The following CIB1 variants were observed in gnomAD, a reference collection of about 807,000 sequenced individuals.
CIB1 encodes calcium and integrin-binding protein 1.
Under a neutral mutation model 25.0 loss-of-function variants are expected in CIB1, and 19 were observed. That is an observed-to-expected ratio of 0.76 (90% CI 0.53 to 1.12). CIB1 has a LOEUF of 1.12. Ranked by LOEUF, CIB1 falls within the 50% of genes most tolerant of loss-of-function variation. The probability of loss-of-function intolerance (pLI) is 0.00; values close to 1 mark genes in which losing one functional copy is unlikely to be tolerated. For missense variants in CIB1, 236 were observed against 242.6 expected (o/e 0.97, Z 0.18); for synonymous variants, 104 against 98.5 (o/e 1.06, Z -0.33).
rs923613809 is a variant in CIB1 at position 90,230,523 on chromosome 15, G to T, written c.555-18C>A. On this transcript the variant is annotated intron_variant, in intron 6 of 6. Coordinates refer to ENST00000328649, the MANE Select transcript of CIB1 (RefSeq NM_006384.4). ...TAAAGGAGCTGAACAAGAGAAAAGC[G>T]GTGGGTTTTCTGCTGGAAGAGGAGG... 22 of 1,551,418 alleles carry T rather than the reference G, an allele frequency of 1.4e-5. No homozygotes were observed. In the African/African-American group the frequency reaches 2.7e-4, roughly 19 times the overall value.
the CIB1 span, chr15:90,265,166 T>G: frequency 7.9e-7 from 1 of 1,267,930 alleles, no homozygotes; most frequent in Non-Finnish European, 1.0e-6. Flanking sequence ...CGGTAAAGAC[T>G]AGAAGATGAA....
chr15:90,259,186 ACT>A, the CIB1 span: 1 of 539,768 alleles, frequency 1.9e-6, no homozygotes. Flanking sequence ...AACATGTGAG[ACT>A]CTGTCCCTAA....
the CIB1 span, chr15:90,263,724 T>C: frequency 9.0e-6 from 6 of 665,152 alleles, no homozygotes; most frequent in Admixed American, 1.3e-4. Context: ...GGTAAGGGGC[T>C]GCTCTTCTCC....
chr15:90,251,927 T>G, the CIB1 span, among the ~76,000 whole-genome samples: 1 of 151,596 alleles, frequency 6.6e-6, no homozygotes, highest in Non-Finnish European at 1.5e-5. Flanking sequence ...CAGGCTGGAG[T>G]GCAGTATTGC....
chr15:90,249,023 C>T, the CIB1 span, among the ~76,000 whole-genome samples: 2 of 152,166 alleles, frequency 1.3e-5, no homozygotes, highest in East Asian at 3.9e-4. Flanking sequence ...CTCTTGAATG[C>T]ATAGGCTTTG....
the CIB1 span, among the ~76,000 whole-genome samples, chr15:90,255,306 G>A: frequency 6.6e-6 from 1 of 152,216 alleles, no homozygotes. Flanking sequence ...GTGATGCCAT[G>A]CCCTCAGTGG....
At chr15:90,241,495 G>C in the CIB1 span, 1 of 1,613,802 alleles carries the variant, frequency 6.2e-7, no homozygotes, top group South Asian at 1.1e-5. Flanking sequence ...GTGCTGCTGA[G>C]CTTACACCCG....
In CIB1 at chr15:90,230,270, T is replaced by C. The variant is rs1962442895; in HGVS notation, c.*214A>G. 3.3e-6 allele frequency: 2 copies of C among 609,680 alleles called. No individual in the cohort carries two copies. The highest frequency in any genetic ancestry group is 3.0e-5 in the Admixed American group (1 of 33,636). The allele number at this position is 609,680 out of a possible 1,614,324, so 37.8% of individuals were successfully genotyped here. A position where few individuals can be genotyped will look rare whatever the true frequency, so the allele number is the denominator to read the frequency against. On this transcript the variant is annotated 3_prime_UTR_variant, in exon 7 of 7. Coordinates refer to ENST00000328649, the MANE Select transcript of CIB1 (RefSeq NM_006384.4). ...TAGGGTCAAACTTCTAAACCTTTAT[T>C]ACTGATTAGTACAAACACAAACGGA...
upstream of CIB1, among the ~76,000 whole-genome samples, chr15:90,238,871 C>T (rs1008973857): frequency 8.5e-5 from 13 of 152,158 alleles, no homozygotes; most frequent in Non-Finnish European, 1.6e-4. Context: ...TATAAAAAAT[C>T]TGAGCCATGG....
chr15:90,241,174 C>T, the CIB1 span: 3 of 1,614,206 alleles, frequency 1.9e-6, no homozygotes, highest in Non-Finnish European at 2.5e-6. Context: ...CAAATCCTCC[C>T]TGGTGCTGTG....
chr15:90,255,703 G>A, the CIB1 span: 67 of 1,613,040 alleles, frequency 4.2e-5, no homozygotes, highest in African/African-American at 8.5e-4. Flanking sequence ...ATGCCCAGGT[G>A]CTAGGAAATG....
At position 90,231,201 on chromosome 15, in the gene CIB1, T is replaced by C; in HGVS notation, c.359A>G (p.Asp120Gly). The C allele has an allele frequency of 6.3e-7, 1 of 1,594,386 alleles. No homozygotes were observed. Among genetic ancestry groups the C allele is most frequent in the South Asian group, 1.1e-5 (1 of 89,818 alleles). ...YAFRIFDFDD[D>G]GTLNREDLSR... ...CAGGTCTTCTCTGTTCAAGGTTCCG[T>C]CATCATCAAAGTCTAGAGAGCAGAC... The change falls in exon 5 of 7, where the codon GAC becomes GGC. Residue 120 changes from aspartate (D) to glycine (G), a missense_variant. Asp to Gly is a moderately conservative substitution (Grantham distance 94). Transcript: ENST00000328649.
chr15:90,264,938 G>A, the CIB1 span: 4 of 1,536,074 alleles, frequency 2.6e-6, no homozygotes, highest in South Asian at 3.6e-5. Context: ...GCGTTCCAGA[G>A]CACTCCTCAA....
At chr15:90,242,247 A>G in the CIB1 span, 3 of 290,160 alleles carry the variant, frequency 1.0e-5, no homozygotes, top group East Asian at 5.2e-5. Flanking sequence ...ACCACCACAC[A>G]CCTGGCTTTT....
the CIB1 span, chr15:90,258,498 G>A: frequency 1.6e-6 from 1 of 615,932 alleles, no homozygotes; most frequent in Non-Finnish European, 2.8e-6. Flanking sequence ...GGGATCCCCA[G>A]TGCCCTAATG....
At chr15:90,248,373 A>T in the CIB1 span, among the ~76,000 whole-genome samples, 1 of 152,204 alleles carries the variant, frequency 6.6e-6, no homozygotes, top group Admixed American at 6.5e-5. Flanking sequence ...GCTTATCTTT[A>T]TAGACAATTA....
chr15:90,230,331 C>T lies in CIB1; in HGVS notation c.*153G>A, dbSNP rs1962444130. The T allele has an allele frequency of 7.7e-6, 6 of 777,644 alleles. No individual in the cohort carries two copies. The highest frequency in any genetic ancestry group is 5.2e-5 in the Admixed American group (2 of 38,402). 48.2% of individuals were successfully genotyped at this position (777,644 alleles called of 1,614,324 possible). ...CAGCAGTGAGGAGAGGCCCTGACAA[C>T]GAGGGCCGCCCCTGCCCGGGGTGAG... On this transcript the variant is annotated 3_prime_UTR_variant, in exon 7 of 7. Coordinates refer to ENST00000328649, the MANE Select transcript of CIB1 (RefSeq NM_006384.4).
chr15:90,251,737 G>C, the CIB1 span: 1 of 788,978 alleles, frequency 1.3e-6, no homozygotes. Flanking sequence ...GAGCTTCCTA[G>C]GTGTCCTCTG....
chr15:90,241,017 A>G, the CIB1 span: 2 of 1,613,866 alleles, frequency 1.2e-6, no homozygotes, highest in African/African-American at 1.3e-5. Context: ...GAAGGATCTC[A>G]TGGCAGAAGG....
Sources: gnomAD v4.1 joint callset for allele counts (sites outside exome capture counted in the v4.1 genomes callset) on GRCh38, gnomAD v4.1.1 for gene constraint, MANE v1.5 for transcripts, NCBI Gene and HGNC (gene_info 2026-07-23, HGNC 2026-07-21) for gene names.